CHRM3: variants seen among roughly 807,000 people sequenced by gnomAD.
CHRM3 encodes the protein cholinergic receptor muscarinic 3, also known as muscarinic acetylcholine receptor M3.
In CHRM3, 11 loss-of-function variants were observed where a neutral mutation model predicts 41.8. That is an observed-to-expected ratio of 0.26 (90% CI 0.17 to 0.44). CHRM3 has a LOEUF of 0.44. Ranked by LOEUF, CHRM3 falls within the 20% of genes least tolerant of loss-of-function variation. CHRM3 has a pLI of 1.00. For missense variants in CHRM3, 571 were observed against 745.4 expected (o/e 0.77, Z 2.72); for synonymous variants, 297 against 301.4 (o/e 0.99, Z 0.15).
intron 6 of CHRM3, among the ~76,000 whole-genome samples, chr1:239,902,559 C>A (rs1482414890): frequency 3.3e-5 from 5 of 152,182 alleles, no homozygotes; most frequent in African/African-American, 1.2e-4. Flanking sequence ...CCCACGACTT[C>A]CTAAACATTT....
intron 1 of CHRM3, among the ~76,000 whole-genome samples, chr1:239,430,129 G>T (rs527939226): frequency 7.9e-5 from 12 of 151,768 alleles, no homozygotes; most frequent in African/African-American, 2.9e-4. Flanking sequence ...ACCACACCTG[G>T]CTAATTTTTT....
At chr1:239,779,049 T>C (rs1406942939) in intron 5 of CHRM3, among the ~76,000 whole-genome samples, 1 of 152,220 alleles carries the variant, frequency 6.6e-6, no homozygotes, top group Non-Finnish European at 1.5e-5. Flanking sequence ...GCTTAATATT[T>C]CCATCTTAAT....
rs751437470 is a variant in CHRM3 at position 239,911,330 on chromosome 1, CAG to C, written c.*2108_*2109del. 2.4e-5 allele frequency: 4 copies of C among 165,990 alleles called. No individual in the cohort carries two copies. The highest frequency in any genetic ancestry group is 6.6e-5 in the Admixed American group (1 of 15,166). The allele number at this position is 165,990 out of a possible 1,614,324, so 10.3% of individuals were successfully genotyped here. ...ATTCAACCAAAGAACAAGAAAGAAA[CAG>C]ACGATTTTCTAATATGTACACAGCA... On this transcript the variant is annotated 3_prime_UTR_variant, in exon 7 of 7. Coordinates refer to ENST00000676153, the MANE Select transcript of CHRM3 (RefSeq NM_001375978.1).
intron 6 of CHRM3, among the ~76,000 whole-genome samples, chr1:239,902,095 A>T (rs1027354388): frequency 6.6e-6 from 1 of 152,114 alleles, no homozygotes; most frequent in African/African-American, 2.4e-5. Context: ...CCTTCTCTCT[A>T]CCAGAGTATT....
chr1:239,572,688 A>C (rs1272340822), intron 3 of CHRM3, among the ~76,000 whole-genome samples: 2 of 152,226 alleles, frequency 1.3e-5, no homozygotes, highest in Admixed American at 1.3e-4. Flanking sequence ...GTTTATTTGA[A>C]CATAATAATA....
At chr1:239,501,031 A>G (rs948359233) in intron 2 of CHRM3, among the ~76,000 whole-genome samples, 1 of 152,234 alleles carries the variant, frequency 6.6e-6, no homozygotes, top group Admixed American at 6.5e-5. Context: ...AGAGACAAAG[A>G]GGTACATTAT....
At chr1:239,663,491 A>T (rs1247669935) in intron 4 of CHRM3, among the ~76,000 whole-genome samples, 1 of 152,178 alleles carries the variant, frequency 6.6e-6, no homozygotes, top group Non-Finnish European at 1.5e-5. Flanking sequence ...AGTCGATGGG[A>T]TGGAGTCCTA....
chr1:239,412,240 CTTTTTTTTT>C, intron 1 of CHRM3, among the ~76,000 whole-genome samples: 1 of 114,686 alleles, frequency 8.7e-6, no homozygotes, highest in Non-Finnish European at 1.8e-5. Context: ...CTTTCTTTTT[CTTTTTTTTT>C]TGTCGTTCTC....
At chr1:239,497,817 A>T (rs1335304929) in intron 2 of CHRM3, among the ~76,000 whole-genome samples, 2 of 152,192 alleles carry the variant, frequency 1.3e-5, no homozygotes, top group Admixed American at 1.3e-4. Flanking sequence ...GCAGCAACAA[A>T]TCGGAGTGGA....
chr1:239,815,269 G>A (rs1311904129), intron 5 of CHRM3, among the ~76,000 whole-genome samples: 1 of 152,168 alleles, frequency 6.6e-6, no homozygotes, highest in Non-Finnish European at 1.5e-5. Flanking sequence ...GTACTGTCAG[G>A]ACATATCAAA....
intron 4 of CHRM3, among the ~76,000 whole-genome samples, chr1:239,633,165 G>C (rs983094603): frequency 3.9e-5 from 6 of 152,130 alleles, no homozygotes; most frequent in African/African-American, 1.4e-4. Flanking sequence ...TAGAGATGGG[G>C]TTTCACCGTG....
intron 1 of CHRM3, among the ~76,000 whole-genome samples, chr1:239,489,945 A>T (rs1296338291): frequency 1.3e-5 from 2 of 152,152 alleles, no homozygotes; most frequent in African/African-American, 2.4e-5. Flanking sequence ...GTAGTGCTAA[A>T]GAGAGCAGAT....
intron 1 of CHRM3, among the ~76,000 whole-genome samples, chr1:239,468,958 C>A (rs2147927470): frequency 6.6e-6 from 1 of 152,176 alleles, no homozygotes; most frequent in South Asian, 2.1e-4. Context: ...TAATATGTTT[C>A]TACAAAAGGA....
At chr1:239,880,688 G>T (rs1677513884) in intron 6 of CHRM3, among the ~76,000 whole-genome samples, 1 of 152,032 alleles carries the variant, frequency 6.6e-6, no homozygotes, top group Admixed American at 6.5e-5. Flanking sequence ...AGAGACAGGG[G>T]TCTTGCTTTG....
chr1:239,794,286 T>C (rs1258795155), intron 5 of CHRM3, among the ~76,000 whole-genome samples: 2 of 152,108 alleles, frequency 1.3e-5, no homozygotes, highest in Non-Finnish European at 2.9e-5. Flanking sequence ...TTTCTAATGA[T>C]GACATGCACG....
At chr1:239,609,779 T>C (rs1008571664) in intron 3 of CHRM3, among the ~76,000 whole-genome samples, 1 of 152,214 alleles carries the variant, frequency 6.6e-6, no homozygotes, top group African/African-American at 2.4e-5. Flanking sequence ...AGCATCTGTA[T>C]ATGTTCTTTA....
At chr1:239,760,621 T>A (rs1290972005) in intron 5 of CHRM3, among the ~76,000 whole-genome samples, 1 of 152,182 alleles carries the variant, frequency 6.6e-6, no homozygotes, top group Non-Finnish European at 1.5e-5. Context: ...TTTCAAGATA[T>A]TTTATCTGGC....
At chr1:239,747,008 A>G (rs1665423881) in intron 5 of CHRM3, among the ~76,000 whole-genome samples, 1 of 152,064 alleles carries the variant, frequency 6.6e-6, no homozygotes, top group Admixed American at 6.6e-5. Flanking sequence ...CGCCCGCCTC[A>G]GCTTCCCAGA....
At chr1:239,801,750 A>C (rs1670232687) in intron 5 of CHRM3, among the ~76,000 whole-genome samples, 1 of 152,198 alleles carries the variant, frequency 6.6e-6, no homozygotes, top group South Asian at 2.1e-4. Context: ...AAAGGATAGC[A>C]TCAGGAGAGT....
Sources: allele counts gnomAD v4.1 joint callset (sites outside exome capture counted in the v4.1 genomes callset), GRCh38; gene constraint gnomAD v4.1.1; transcripts MANE v1.5; gene names NCBI Gene and HGNC (gene_info 2026-07-23, HGNC 2026-07-21).